The following PCDHA6 variants were observed in gnomAD, a reference collection of about 807,000 sequenced individuals.
The protein encoded by PCDHA6 is protocadherin alpha 6.
PCDHA6 carries 55 observed loss-of-function variants against 60.3 expected under a neutral mutation model. The ratio of observed to expected loss-of-function variants is 0.91; its 90% CI spans 0.73 to 1.14. PCDHA6 has a LOEUF of 1.14. PCDHA6 is among the 50% of genes most tolerant of loss of function. The probability of loss-of-function intolerance (pLI) is 0.00; values close to 1 mark genes in which losing one functional copy is unlikely to be tolerated. For synonymous variants in PCDHA6, 652 were observed against 557.9 expected, an observed-to-expected ratio of 1.17 and a Z score of -2.38; for missense variants, 1,327 against 1,256.5, an observed-to-expected ratio of 1.06 and a Z score of -0.85.
intron 1 of PCDHA6, among the ~76,000 whole-genome samples, chr5:140,838,877 T>C (rs1016544864): frequency 6.6e-6 from 1 of 151,982 alleles, no homozygotes; most frequent in Non-Finnish European, 1.5e-5. Context: ...ATCATGCCAC[T>C]GAACTCCAGC....
chr5:140,880,416 C>T lies in PCDHA6; in HGVS notation c.2394+49931C>T, dbSNP rs188503917. ...AAGAGCATATGGTTGACCTTAAAAG[C>T]GGGAACAGTTTTTCCTTACAACTAG... On this transcript the variant is annotated intron_variant, in intron 1 of 3. Coordinates refer to ENST00000529310, the MANE Select transcript of PCDHA6 (RefSeq NM_018909.4). Among the ~76,000 whole-genome samples, 429 of 152,140 alleles carry T rather than the reference C, an allele frequency of 2.8e-3. 2 individuals carry two copies. Among genetic ancestry groups the T allele is most frequent in the Middle Eastern group, 0.014 (4 of 294 alleles).
At chr5:140,841,429 C>G (rs2150315333) in intron 1 of PCDHA6, 3 of 1,612,842 alleles carry the variant, frequency 1.9e-6, no homozygotes, top group South Asian at 1.1e-5. Flanking sequence ...ACTCCGTCCC[C>G]GAGGAGGCCA....
At chr5:140,850,731 G>A (rs1366939358) in intron 1 of PCDHA6, 3 of 1,597,906 alleles carry the variant, frequency 1.9e-6, no homozygotes, top group Non-Finnish European at 2.6e-6. Flanking sequence ...TAGCGCGGTG[G>A]GGAGTTGGTC....
intron 1 of PCDHA6, among the ~76,000 whole-genome samples, chr5:140,937,615 T>TCAAAAAAAAAAAAAAAAAAAAAAAA (rs1472779704): frequency 5.3e-5 from 8 of 149,546 alleles, no homozygotes; most frequent in African/African-American, 2.0e-4. Context: ...ATACTCCATC[T>TCAAAAAAAAAAAAAAAAAAAAAAAA]AAAAAGAAAA....
In PCDHA6 at chr5:140,841,681, C is replaced by T. The variant is rs2150320703; in HGVS notation, c.2394+11196C>T. 2.5e-6 allele frequency: 4 copies of T among 1,613,906 alleles called. No individual in the cohort carries two copies. In the South Asian group the frequency reaches 4.4e-5, roughly 18 times the overall value. ...GGCCGCTGCAGGTTTTCCATGTGGA[C>T]GTGGAGGTGAAGGATGTTAATGACA... On this transcript the variant is annotated intron_variant, in intron 1 of 3. Transcript: ENST00000529310.
intron 1 of PCDHA6, chr5:140,877,684 A>G (rs1247391418): frequency 1.9e-6 from 3 of 1,613,650 alleles, no homozygotes; most frequent in Non-Finnish European, 2.5e-6. Flanking sequence ...GGGCAAGCCC[A>G]CGCTGGTGTG....
rs782141581 is a variant in PCDHA6 at position 140,857,357 on chromosome 5, A to G, written c.2394+26872A>G. On this transcript the variant is annotated intron_variant, in intron 1 of 3. Coordinates refer to ENST00000529310, the MANE Select transcript of PCDHA6 (RefSeq NM_018909.4). ...CGGGGGCTCGCCTCCGCTGTGGGCC[A>G]CGGCCAGCGTGTCTGTGGAGGTGGC... 29 of 1,598,430 alleles carry G rather than the reference A, an allele frequency of 1.8e-5. 3 individuals are homozygous for G. Among genetic ancestry groups the G allele is most frequent in the Non-Finnish European group, 2.5e-5 (29 of 1,167,908 alleles).
intron 1 of PCDHA6, chr5:140,870,265 C>G (rs782376161): frequency 6.2e-7 from 1 of 1,614,214 alleles, no homozygotes; most frequent in Non-Finnish European, 8.5e-7. Flanking sequence ...GACCTGCTCG[C>G]TGACGCCCCA....
chr5:140,869,553 G>A (rs1554163226), intron 1 of PCDHA6: 1 of 1,614,056 alleles, frequency 6.2e-7, no homozygotes, highest in African/African-American at 1.3e-5. Flanking sequence ...AATCGGACTC[G>A]CGTTTTCCAC....
intron 1 of PCDHA6, chr5:140,928,137 C>A (rs537220203): frequency 6.2e-7 from 1 of 1,614,182 alleles, no homozygotes; most frequent in South Asian, 1.1e-5. Flanking sequence ...AAGTCCTGAT[C>A]ACGGCCTCAG....
At chr5:140,992,153 T>C (rs191199905) in intron 3 of PCDHA6, among the ~76,000 whole-genome samples, 76 of 152,066 alleles carry the variant, frequency 5.0e-4, no homozygotes, top group African/African-American at 1.8e-3. Flanking sequence ...CTTTGCTCAA[T>C]CAAGAAGTGT....
intron 1 of PCDHA6, chr5:140,859,925 A>T (rs1359267858): frequency 1.3e-5 from 2 of 152,068 alleles, no homozygotes; most frequent in African/African-American, 4.8e-5. Context: ...TAAGTAATAT[A>T]AAAAACTTAG....
At chr5:140,864,746 A>G (rs989903827) in intron 1 of PCDHA6, 1 of 152,144 alleles carries the variant, frequency 6.6e-6, no homozygotes, top group Admixed American at 6.5e-5. Context: ...AGCACCGATT[A>G]TACTCATTTT....
intron 1 of PCDHA6, among the ~76,000 whole-genome samples, chr5:140,966,046 G>A (rs1329363755): frequency 6.6e-6 from 1 of 152,212 alleles, no homozygotes. Context: ...CCCATCGCCA[G>A]TAACCCCAGA....
intron 1 of PCDHA6, chr5:140,852,854 AT>A: frequency 1.0e-6 from 1 of 963,700 alleles, no homozygotes; most frequent in Non-Finnish European, 1.3e-6. Context: ...CTTACTAAGC[AT>A]TTACTATGTC....
chr5:140,991,308 C>T (rs374484318), intron 3 of PCDHA6, among the ~76,000 whole-genome samples: 1 of 152,282 alleles, frequency 6.6e-6, no homozygotes, highest in South Asian at 2.1e-4. Flanking sequence ...ATTATCTTGT[C>T]CCGCATGATA....
intron 3 of PCDHA6, among the ~76,000 whole-genome samples, chr5:140,985,179 C>T (rs1056430017): frequency 5.9e-5 from 9 of 152,132 alleles, no homozygotes; most frequent in African/African-American, 1.9e-4. Flanking sequence ...CCTCGTAATC[C>T]GCCTGCCTCG....
At chr5:140,965,496 ATT>A (rs71766133) in intron 1 of PCDHA6, among the ~76,000 whole-genome samples, 87 of 146,352 alleles carry the variant, frequency 5.9e-4, no homozygotes, top group Middle Eastern at 3.6e-3. Context: ...ATGACAGCAG[ATT>A]TTTTTTTTTT....
chr5:140,949,880 A>G (rs1448161802), intron 1 of PCDHA6, among the ~76,000 whole-genome samples: 1 of 151,692 alleles, frequency 6.6e-6, no homozygotes, highest in African/African-American at 2.4e-5. Flanking sequence ...TTATTTGGGT[A>G]TTCCTCAGAA....
Sources: allele counts gnomAD v4.1 joint callset (sites outside exome capture counted in the v4.1 genomes callset), GRCh38; gene constraint gnomAD v4.1.1; transcripts MANE v1.5; gene names NCBI Gene and HGNC (gene_info 2026-07-23, HGNC 2026-07-21).